Variants in TMEM143 observed in about 807,000 individuals in gnomAD.
TMEM143 encodes the protein transmembrane protein 143.
Under a neutral mutation model 40.3 loss-of-function variants are expected in TMEM143, and 45 were observed. The observed-to-expected ratio is 1.12, with a 90% CI of 0.88 to 1.43. TMEM143 has a LOEUF of 1.43. Ranked by LOEUF, TMEM143 falls within the 40% of genes most tolerant of loss-of-function variation. TMEM143 has a pLI of 0.00. For missense variants in TMEM143, 620 were observed against 613.4 expected, an observed-to-expected ratio of 1.01 and a Z score of -0.11; for synonymous variants, 299 against 282.7, an observed-to-expected ratio of 1.06 and a Z score of -0.58.
chr19:48,351,571 T>C (rs947373790), intron 3 of TMEM143, among the ~76,000 whole-genome samples: 1 of 152,168 alleles, frequency 6.6e-6, no homozygotes, highest in Non-Finnish European at 1.5e-5. Flanking sequence ...CTGCAAGATC[T>C]GGCCCCAGGT....
At chr19:48,348,016 A>G (rs1234554230) in intron 3 of TMEM143, among the ~76,000 whole-genome samples, 1 of 130,366 alleles carries the variant, frequency 7.7e-6, no homozygotes, top group African/African-American at 2.8e-5. Context: ...ACAGAGCGAG[A>G]CCCTGTCTCA....
At chr19:48,345,808 G>A (rs1311854966) in intron 3 of TMEM143, among the ~76,000 whole-genome samples, 10 of 141,070 alleles carry the variant, frequency 7.1e-5, no homozygotes, top group African/African-American at 2.1e-4. Context: ...TTTTTGAGAC[G>A]GAGTCTCGCT....
At chr19:48,354,291 G>C (rs1226130807) in intron 3 of TMEM143, among the ~76,000 whole-genome samples, 4 of 128,638 alleles carry the variant, frequency 3.1e-5, no homozygotes, top group African/African-American at 1.2e-4. Flanking sequence ...TTGAGACATA[G>C]TCTTGCTCTG....
At chr19:48,334,414 CTCTCTTTCTTTCTTTCTTTCTT>C (rs1969297976) in intron 6 of TMEM143, among the ~76,000 whole-genome samples, 4 of 103,526 alleles carry the variant, frequency 3.9e-5, no homozygotes, top group South Asian at 3.3e-4. Flanking sequence ...CTTTCTTTTT[CTCTCTTTCTTTCTTTCTTTCTT>C]TCTTTCTTTC....
chr19:48,359,545 C>T (rs71357820), intron 3 of TMEM143, among the ~76,000 whole-genome samples: 2,706 of 123,168 alleles, frequency 0.022, 46 homozygotes, highest in Middle Eastern at 0.18. Flanking sequence ...TTTCCTCAGT[C>T]GCCCAGGCTG....
At chr19:48,344,797 C>T (rs2147367552) in intron 4 of TMEM143, among the ~76,000 whole-genome samples, 1 of 152,296 alleles carries the variant, frequency 6.6e-6, no homozygotes, top group South Asian at 2.1e-4. Flanking sequence ...ACTTCCACCT[C>T]CCGGGTTCAA....
At chr19:48,347,845 C>T (rs1188085535) in intron 3 of TMEM143, among the ~76,000 whole-genome samples, 2 of 126,964 alleles carry the variant, frequency 1.6e-5, no homozygotes, top group Non-Finnish European at 3.3e-5. Flanking sequence ...TGTGAGCCAC[C>T]GCATCTGGTC....
intron 3 of TMEM143, among the ~76,000 whole-genome samples, chr19:48,350,993 C>T (rs1040420906): frequency 2.0e-4 from 30 of 151,484 alleles, no homozygotes; most frequent in African/African-American, 6.3e-4. Context: ...CCATATTCCA[C>T]CATCAAGCAT....
intron 6 of TMEM143, among the ~76,000 whole-genome samples, chr19:48,341,270 G>A (rs568526381): frequency 6.6e-6 from 1 of 152,306 alleles, no homozygotes; most frequent in African/African-American, 2.4e-5. Context: ...AGCACAAGTT[G>A]GGTGTCAGCC....
chr19:48,350,914 C>T (rs1455211348), intron 3 of TMEM143, among the ~76,000 whole-genome samples: 36 of 61,966 alleles, frequency 5.8e-4, no homozygotes, highest in Admixed American at 1.6e-3. Context: ...AGTGAGACTA[C>T]ATCTCAAAAA....
chr19:48,359,270 A>C (rs1600926954), intron 3 of TMEM143, among the ~76,000 whole-genome samples: 1 of 147,244 alleles, frequency 6.8e-6, no homozygotes, highest in African/African-American at 2.5e-5. Flanking sequence ...CTCATATCCC[A>C]CCCTCCCCGC....
chr19:48,346,033 C>T (rs532329419), intron 3 of TMEM143, among the ~76,000 whole-genome samples: 9 of 152,132 alleles, frequency 5.9e-5, no homozygotes, highest in South Asian at 2.1e-4. Flanking sequence ...CTACCCACCT[C>T]GGCCTCCCAA....
intron 6 of TMEM143, among the ~76,000 whole-genome samples, chr19:48,334,436 TTCTTTCTTTCTTTCTTTCTTTC>T (rs1371632529): frequency 1.0e-4 from 5 of 48,200 alleles, no homozygotes; most frequent in African/African-American, 1.8e-4. Flanking sequence ...CTTTCTTTCT[TTCTTTCTTTCTTTCTTTCTTTC>T]TTTCTTTCTT....
At chr19:48,339,442 T>TCCCGCAC (rs1969441101) in intron 6 of TMEM143, among the ~76,000 whole-genome samples, 1 of 152,144 alleles carries the variant, frequency 6.6e-6, no homozygotes, top group African/African-American at 2.4e-5. Context: ...ATACTCCGCA[T>TCCCGCAC]CCCGCACCTT....
At chr19:48,350,133 T>C (rs537778303) in intron 3 of TMEM143, among the ~76,000 whole-genome samples, 11 of 151,012 alleles carry the variant, frequency 7.3e-5, no homozygotes, top group Non-Finnish European at 1.6e-4. Context: ...CCGGAGTAGC[T>C]GGGATCACAG....
chr19:48,351,520 A>T (rs943207348), intron 3 of TMEM143, among the ~76,000 whole-genome samples: 1 of 151,714 alleles, frequency 6.6e-6, no homozygotes, highest in African/African-American at 2.4e-5. Context: ...CCACCGACCC[A>T]CTCAGTCAAA....
At chr19:48,340,465 T>C (rs537983602) in intron 6 of TMEM143, among the ~76,000 whole-genome samples, 208 of 152,082 alleles carry the variant, frequency 1.4e-3, no homozygotes, top group Non-Finnish European at 2.4e-3. Context: ...GGTTTCACTA[T>C]GTTGCCCAGG....
chr19:48,354,261 T>A (rs2147380441), intron 3 of TMEM143, among the ~76,000 whole-genome samples: 1 of 138,862 alleles, frequency 7.2e-6, no homozygotes, highest in Non-Finnish European at 1.5e-5. Context: ...GCCCAGACTT[T>A]TTCTTTTTTT....
At position 48,333,379 on chromosome 19, in the gene TMEM143, C is replaced by T. The variant is rs758504925; in HGVS notation, c.1220G>A (p.Gly407Asp). The T allele has an allele frequency of 1.9e-6, 3 of 1,608,376 alleles. No individual in the cohort carries two copies. The highest frequency in any genetic ancestry group is 8.5e-7 in the Non-Finnish European group (1 of 1,176,198). Reference sequence around the variant, plus strand: ...AGTTCCGTTGAAGGTCACCTCACAGCCTGACTTGGCTAGGAGCCAGTTCTC... The same window carrying T: ...AGTTCCGTTGAAGGTCACCTCACAGTCTGACTTGGCTAGGAGCCAGTTCTC... ...EVENWLLAKS[G>D]CEVTFNGTRA... is the part of the protein sequence containing the mutation. The change falls in exon 8 of 8, where the codon GGC (glycine) becomes GAC (aspartate). Residue 407 changes from glycine (G) to aspartate (D), a missense_variant. Coordinates refer to ENST00000293261, the MANE Select transcript of TMEM143 (RefSeq NM_018273.4). This position sits in a 1 kb window ranked among gnomAD's most constrained non-coding sequence, Gnocchi z 4.1.
Sources: gnomAD v4.1 joint callset for allele counts (sites outside exome capture counted in the v4.1 genomes callset) on GRCh38, gnomAD v4.1.1 for gene constraint, Gnocchi (gnomAD v3.1) non-coding constraint, MANE v1.5 for transcripts, NCBI Gene and HGNC (gene_info 2026-07-23, HGNC 2026-07-21) for gene names.